The following AFF2 variants were observed in gnomAD, a reference collection of about 807,000 sequenced individuals.
AFF2 encodes the protein ALF transcription elongation factor 2.
AFF2 carries 14 observed loss-of-function variants against 76.9 expected under a neutral mutation model. The observed-to-expected ratio is 0.18, with a 90% CI of 0.12 to 0.28. The LOEUF is 0.28. Ranked by LOEUF, AFF2 falls within the 10% of genes least tolerant of loss-of-function variation. The probability of loss-of-function intolerance (pLI) is 1.00; values close to 1 mark genes in which losing one functional copy is unlikely to be tolerated. For synonymous variants in AFF2, 398 were observed against 366.7 expected (o/e 1.09, Z -0.98); for missense variants, 868 against 1,001.1 (o/e 0.87, Z 1.79).
chrX:148,725,798 A>T (rs1244824228), intron 3 of AFF2, among the ~76,000 whole-genome samples: 1 of 112,574 alleles, frequency 8.9e-6, no homozygotes, highest in Non-Finnish European at 1.9e-5. Context: ...ACTTTAAATT[A>T]TTATGGATAG....
intron 3 of AFF2, among the ~76,000 whole-genome samples, chrX:148,689,951 C>T (rs1348934158): frequency 8.9e-6 from 1 of 112,087 alleles, no homozygotes; most frequent in Non-Finnish European, 1.9e-5. Flanking sequence ...GACTGACTGA[C>T]ATTGTCTGCC....
intron 3 of AFF2, among the ~76,000 whole-genome samples, chrX:148,733,397 T>G (rs1362958394): frequency 4.5e-5 from 5 of 110,931 alleles, no homozygotes; most frequent in Non-Finnish European, 9.4e-5. Context: ...CCTTCTTTTG[T>G]GCATTCATTC....
intron 3 of AFF2, among the ~76,000 whole-genome samples, chrX:148,765,930 C>T (rs1557267690): frequency 1.0e-5 from 1 of 99,730 alleles, no homozygotes; most frequent in Admixed American, 1.1e-4. Flanking sequence ...GTTCAATTCC[C>T]ACCTATGAGT....
chrX:148,765,855 T>TC (rs1279271518), intron 3 of AFF2, among the ~76,000 whole-genome samples: 1 of 36,054 alleles, frequency 2.8e-5, no homozygotes, highest in Non-Finnish European at 4.6e-5. Flanking sequence ...CCCTCCCCCC[T>TC]CCCCCCACCC....
intron 3 of AFF2, among the ~76,000 whole-genome samples, chrX:148,806,748 G>T (rs145783625): frequency 8.3e-4 from 93 of 111,857 alleles, no homozygotes; most frequent in African/African-American, 2.8e-3. Context: ...GTCCCAGTGG[G>T]TTTCTAATTG....
intron 15 of AFF2, among the ~76,000 whole-genome samples, chrX:148,971,124 T>G (rs1188779623): frequency 1.9e-5 from 2 of 107,101 alleles, no homozygotes; most frequent in African/African-American, 6.9e-5. Flanking sequence ...GGTAACTTCA[T>G]TGTTTTTTTT....
intron 4 of AFF2, among the ~76,000 whole-genome samples, chrX:148,822,629 G>A (rs1557272645): frequency 9.1e-6 from 1 of 110,227 alleles, no homozygotes; most frequent in African/African-American, 3.3e-5. Flanking sequence ...ACTATTCACT[G>A]TGCTTATTAT....
chrX:148,967,130 G>A (rs782533898), intron 14 of AFF2, 51 bp downstream of exon 14: 2 of 1,189,375 alleles, frequency 1.7e-6, no homozygotes, highest in South Asian at 1.9e-5. Context: ...AATGGGGGGT[G>A]GGGGTAGCAT....
Position 148,834,570 on chromosome X carries a change from A to G in AFF2, c.1087-3077A>G, listed in dbSNP as rs375625946. Among the ~76,000 whole-genome samples the G allele has an allele frequency of 4.6e-5, 5 of 109,528 alleles. No individual in the cohort carries two copies. The East Asian group carries it at 1.4e-3, about 32-fold the overall frequency. ...GTGTATGTAACTTATTTTTGTTAAA[A>G]GAGAAGTGATTCTTGGTGTTGTGTA... On this transcript the variant is annotated intron_variant, in intron 4 of 20. Transcript: ENST00000370460.
At chrX:148,690,236 CAG>C (rs2054637606) in intron 3 of AFF2, among the ~76,000 whole-genome samples, 1 of 112,109 alleles carries the variant, frequency 8.9e-6, no homozygotes, top group Non-Finnish European at 1.9e-5. Context: ...ATCAAATAAT[CAG>C]GAAAGAGCAT....
intron 7 of AFF2, among the ~76,000 whole-genome samples, chrX:148,865,935 T>C (rs1557276822): frequency 8.9e-6 from 1 of 112,155 alleles, no homozygotes; most frequent in Non-Finnish European, 1.9e-5. Context: ...TGCTGTCTGA[T>C]AATTCTGGCC....
At chrX:148,561,121 T>C (rs2053108048) in intron 1 of AFF2, among the ~76,000 whole-genome samples, 1 of 112,570 alleles carries the variant, frequency 8.9e-6, no homozygotes, top group African/African-American at 3.2e-5. Context: ...ATTTTGTAGG[T>C]AATAATAAAC....
intron 9 of AFF2, among the ~76,000 whole-genome samples, chrX:148,934,073 G>A (rs1345274639): frequency 8.9e-6 from 1 of 112,524 alleles, no homozygotes; most frequent in Admixed American, 9.4e-5. Context: ...GACTGCTGAC[G>A]CATAAACACA....
At chrX:148,912,035 A>G (rs782163916) in intron 9 of AFF2, among the ~76,000 whole-genome samples, 1 of 112,415 alleles carries the variant, frequency 8.9e-6, no homozygotes, top group African/African-American at 3.2e-5. Flanking sequence ...GTGTATATAC[A>G]CCGTGGAATA....
At chrX:148,599,724 G>A (rs1038667845) in intron 1 of AFF2, among the ~76,000 whole-genome samples, 19 of 111,508 alleles carry the variant, frequency 1.7e-4, no homozygotes, top group Admixed American at 1.0e-3. Flanking sequence ...GGCTTTTAAA[G>A]TGCCAAATGC....
chrX:148,598,640 G>GAA (rs1228018478), intron 1 of AFF2, among the ~76,000 whole-genome samples: 1 of 111,710 alleles, frequency 9.0e-6, no homozygotes, highest in African/African-American at 3.3e-5. Flanking sequence ...TCACACAAAA[G>GAA]AAAAGCAAAA....
intron 3 of AFF2, among the ~76,000 whole-genome samples, chrX:148,796,037 G>C (rs1455710612): frequency 2.9e-5 from 3 of 104,720 alleles, no homozygotes; most frequent in Non-Finnish European, 5.9e-5. Flanking sequence ...AGGTTTAGAA[G>C]GTCCCTCTTC....
At chrX:148,905,162 T>C (rs2071394756) in intron 9 of AFF2, among the ~76,000 whole-genome samples, 1 of 112,460 alleles carries the variant, frequency 8.9e-6, no homozygotes, top group Non-Finnish European at 1.9e-5. Flanking sequence ...GTTTTTGTTT[T>C]GTATAATAAA....
chrX:148,944,475 C>T (rs113662808), intron 9 of AFF2, among the ~76,000 whole-genome samples: 1,164 of 111,037 alleles, frequency 0.01, 21 homozygotes, highest in African/African-American at 0.036. Context: ...TCCACTTGCC[C>T]GCCTTTCTTC....
Sources: gnomAD v4.1 joint callset for allele counts (sites outside exome capture counted in the v4.1 genomes callset) on GRCh38, gnomAD v4.1.1 for gene constraint, MANE v1.5 for transcripts, NCBI Gene and HGNC (gene_info 2026-07-23, HGNC 2026-07-21) for gene names.